SH3RF1: variants seen among roughly 807,000 people sequenced by gnomAD.
The protein encoded by SH3RF1 is E3 ubiquitin-protein ligase SH3RF1.
In SH3RF1, 32 loss-of-function variants were observed where a neutral mutation model predicts 74.0. That is an observed-to-expected ratio of 0.43 (90% CI 0.33 to 0.58). The LOEUF is 0.58. SH3RF1 is among the 20% of genes least tolerant of loss of function. SH3RF1 has a pLI of 0.05. For missense variants in SH3RF1, 954 were observed against 1,130.9 expected (o/e 0.84, Z 2.24); for synonymous variants, 396 against 439.6 (o/e 0.90, Z 1.24).
intron 2 of SH3RF1, among the ~76,000 whole-genome samples, chr4:169,199,448 T>G (rs1321036942): frequency 2.6e-5 from 4 of 152,042 alleles, no homozygotes; most frequent in African/African-American, 4.8e-5. Flanking sequence ...ATCTTGTGCA[T>G]CCAGAGAGCA....
intron 2 of SH3RF1, among the ~76,000 whole-genome samples, chr4:169,195,497 T>C (rs1734794158): frequency 6.6e-6 from 1 of 152,188 alleles, no homozygotes; most frequent in South Asian, 2.1e-4. Context: ...TCCCAGCCAT[T>C]TTCTATTCAA....
At chr4:169,228,064 T>C (rs1730678290) in intron 2 of SH3RF1, among the ~76,000 whole-genome samples, 2 of 152,224 alleles carry the variant, frequency 1.3e-5, no homozygotes, top group African/African-American at 4.8e-5. Context: ...GTTACCTCCC[T>C]ATTCTACTTT....
intron 2 of SH3RF1, among the ~76,000 whole-genome samples, chr4:169,237,467 C>T (rs1314565532): frequency 6.6e-6 from 1 of 152,078 alleles, no homozygotes; most frequent in Admixed American, 6.6e-5. Context: ...ACAGCCCAAC[C>T]CCATCTCTAT....
intron 2 of SH3RF1, among the ~76,000 whole-genome samples, chr4:169,222,351 G>A (rs1730580661): frequency 6.6e-6 from 1 of 152,082 alleles, no homozygotes; most frequent in Non-Finnish European, 1.5e-5. Flanking sequence ...TGTAGTCACA[G>A]CTACTTGGGA....
chr4:169,167,798 G>A (rs1416259553), intron 2 of SH3RF1, among the ~76,000 whole-genome samples: 2 of 152,070 alleles, frequency 1.3e-5, no homozygotes, highest in Non-Finnish European at 2.9e-5. Flanking sequence ...TTATCCTGGT[G>A]TAGAAAGGTA....
chr4:169,161,839 A>G lies in SH3RF1; in HGVS notation c.394-5160T>C, dbSNP rs938899692. ...AGAAATCATAGTAATAGAAAGTACC[A>G]CACAGAGTAAGAAGTAGAAAAATGG... On this transcript the variant is annotated intron_variant, in intron 2 of 11. Coordinates refer to ENST00000284637, the MANE Select transcript of SH3RF1 (RefSeq NM_020870.4). Among the ~76,000 whole-genome samples the G allele has an allele frequency of 3.9e-5, 6 of 152,380 alleles. 1 individual carries two copies. The South Asian group carries it at 8.3e-4, about 21-fold the overall frequency.
chr4:169,260,362 C>A (rs957697165), intron 2 of SH3RF1, among the ~76,000 whole-genome samples: 3 of 152,196 alleles, frequency 2.0e-5, no homozygotes, highest in African/African-American at 7.2e-5. Context: ...CTCCCCCTGT[C>A]TGTTCTACCG....
At chr4:169,206,138 C>A (rs942734257) in intron 2 of SH3RF1, among the ~76,000 whole-genome samples, 5 of 152,222 alleles carry the variant, frequency 3.3e-5, no homozygotes, top group Non-Finnish European at 2.9e-5. Flanking sequence ...TGCTAAAGAG[C>A]ATCTCTTGCA....
At chr4:169,231,370 A>G (rs914598923) in intron 2 of SH3RF1, among the ~76,000 whole-genome samples, 1 of 152,180 alleles carries the variant, frequency 6.6e-6, no homozygotes, top group African/African-American at 2.4e-5. Context: ...GTTCGAGACC[A>G]GCCTGACCAA....
chr4:169,235,656 G>A (rs145535876), intron 2 of SH3RF1, among the ~76,000 whole-genome samples: 5 of 152,124 alleles, frequency 3.3e-5, no homozygotes, highest in African/African-American at 1.2e-4. Flanking sequence ...CATCAGCAAT[G>A]AGCATATATT....
intron 8 of SH3RF1, among the ~76,000 whole-genome samples, chr4:169,119,140 G>A (rs1261005958): frequency 6.6e-6 from 1 of 151,712 alleles, no homozygotes; most frequent in Non-Finnish European, 1.5e-5. Flanking sequence ...GTCTTGCTCT[G>A]CCGCCCAGGC....
chr4:169,262,678 T>C (rs1489554954), intron 2 of SH3RF1, among the ~76,000 whole-genome samples: 2 of 150,734 alleles, frequency 1.3e-5, no homozygotes, highest in East Asian at 3.9e-4. Context: ...AAAAAATAAA[T>C]AAATAAAATG....
At chr4:169,231,072 T>G (rs1459896623) in intron 2 of SH3RF1, among the ~76,000 whole-genome samples, 1 of 152,198 alleles carries the variant, frequency 6.6e-6, no homozygotes, top group African/African-American at 2.4e-5. Flanking sequence ...AGCCCAAGTT[T>G]CTTCATCTGT....
intron 2 of SH3RF1, among the ~76,000 whole-genome samples, chr4:169,193,718 C>T (rs17054828): frequency 0.01 from 1,573 of 152,240 alleles, 29 homozygotes; most frequent in African/African-American, 0.036. Flanking sequence ...CTCTGCCAGT[C>T]ACCTGAAGGA....
At chr4:169,211,409 G>A (rs1270534878) in intron 2 of SH3RF1, among the ~76,000 whole-genome samples, 1 of 150,764 alleles carries the variant, frequency 6.6e-6, no homozygotes, top group Non-Finnish European at 1.5e-5. Context: ...ATGAACCCGG[G>A]AGGCGGAGCT....
intron 2 of SH3RF1, among the ~76,000 whole-genome samples, chr4:169,243,279 G>A (rs968436476): frequency 4.6e-5 from 7 of 152,304 alleles, no homozygotes; most frequent in African/African-American, 1.2e-4. Flanking sequence ...TTGGGAGGTC[G>A]AAGCAGGCGG....
chr4:169,158,730 T>C lies in SH3RF1; in HGVS notation c.394-2051A>G, dbSNP rs546791341. 6.6e-5 allele frequency among the ~76,000 whole-genome samples: 10 copies of C among 152,332 alleles called. No homozygotes were observed. The East Asian group carries it at 1.5e-3, about 23-fold the overall frequency. On this transcript the variant is annotated intron_variant, in intron 2 of 11. Coordinates refer to ENST00000284637, the MANE Select transcript of SH3RF1 (RefSeq NM_020870.4). The stretch of plus-strand genomic sequence containing the variant: ...AATATAGTTAGCATTACTTATATCA[T>C]TGTCTGCCCCCCGACCTGTAAAAAG...
intron 2 of SH3RF1, among the ~76,000 whole-genome samples, chr4:169,240,972 T>C (rs949406461): frequency 3.9e-5 from 6 of 152,216 alleles, no homozygotes; most frequent in African/African-American, 1.4e-4. Flanking sequence ...GGCTCACGTC[T>C]GTAATCCCAG....
intron 2 of SH3RF1, among the ~76,000 whole-genome samples, chr4:169,196,114 G>A (rs1353873334): frequency 2.0e-5 from 3 of 152,120 alleles, no homozygotes; most frequent in Non-Finnish European, 2.9e-5. Flanking sequence ...CACGCCCAGC[G>A]AACACAATAA....
Sources: allele counts gnomAD v4.1 joint callset (sites outside exome capture counted in the v4.1 genomes callset), GRCh38; gene constraint gnomAD v4.1.1; transcripts MANE v1.5; gene names NCBI Gene and HGNC (gene_info 2026-07-23, HGNC 2026-07-21).